Variants in GALNT13 observed in about 807,000 individuals in gnomAD.
The protein encoded by GALNT13 is polypeptide N-acetylgalactosaminyltransferase 13, also known as UDP-GalNAc:polypeptide N-acetylgalactosaminyltransferase 13.
Under a neutral mutation model 64.2 loss-of-function variants are expected in GALNT13, and 28 were observed. The ratio of observed to expected loss-of-function variants is 0.44; its 90% confidence interval spans 0.32 to 0.60. The LOEUF (loss-of-function observed/expected upper bound fraction) is 0.60, where lower values mean the gene tolerates loss of function less well. Among genes scored for constraint, GALNT13 ranks in the 20% least tolerant of loss-of-function variants. GALNT13 has a pLI of 0.05. For synonymous variants in GALNT13, 214 were observed against 224.6 expected (o/e 0.95, Z 0.42); for missense variants, 577 against 669.8 (o/e 0.86, Z 1.53).
At chr2:154,033,728 A>G (rs1698485964) in intron 3 of GALNT13, among the ~76,000 whole-genome samples, 2 of 152,130 alleles carry the variant, frequency 1.3e-5, no homozygotes, top group African/African-American at 4.8e-5. Flanking sequence ...TCATGAGGTC[A>G]GGAGTTGGAG....
At chr2:153,463,464 T>C in the GALNT13 span, among the ~76,000 whole-genome samples, 8 of 152,076 alleles carry the variant, frequency 5.3e-5, no homozygotes, top group African/African-American at 1.9e-4. Context: ...GTTGACTAAA[T>C]AGATGTATCT....
At chr2:154,136,303 TG>T (rs1682945649) in intron 3 of GALNT13, among the ~76,000 whole-genome samples, 3 of 152,222 alleles carry the variant, frequency 2.0e-5, no homozygotes, top group Non-Finnish European at 4.4e-5. Context: ...ATGTTATGCT[TG>T]TACCATTATT....
chr2:153,378,043 A>AT, the GALNT13 span, among the ~76,000 whole-genome samples: 2 of 152,196 alleles, frequency 1.3e-5, no homozygotes, highest in East Asian at 3.8e-4. Flanking sequence ...GACAAATGAA[A>AT]TTTGTATTAT....
intron 3 of GALNT13, among the ~76,000 whole-genome samples, chr2:154,079,225 A>C (rs1305694977): frequency 6.6e-6 from 1 of 151,654 alleles, no homozygotes. Context: ...TTTATTGATG[A>C]ATTTATAATT....
chr2:153,105,986 T>A, the GALNT13 span, among the ~76,000 whole-genome samples: 1 of 152,210 alleles, frequency 6.6e-6, no homozygotes, highest in Non-Finnish European at 1.5e-5. Context: ...TTGACATCCA[T>A]AGAGCTGTCA....
the GALNT13 span, among the ~76,000 whole-genome samples, chr2:153,257,138 C>A: frequency 4.3e-4 from 66 of 152,304 alleles, no homozygotes; most frequent in African/African-American, 1.4e-3. Flanking sequence ...AGCCAGGTGC[C>A]GGATATAATC....
chr2:153,651,650 A>G, the GALNT13 span, among the ~76,000 whole-genome samples: 13 of 152,172 alleles, frequency 8.5e-5, no homozygotes, highest in African/African-American at 2.9e-4. Flanking sequence ...ATTGAAGCTG[A>G]CCATAGGGCT....
chr2:153,328,048 A>T, the GALNT13 span, among the ~76,000 whole-genome samples: 1 of 151,588 alleles, frequency 6.6e-6, no homozygotes, highest in African/African-American at 2.4e-5. Flanking sequence ...TTTTTTTCTC[A>T]TAGTCAGGTC....
chr2:153,620,498 C>T, the GALNT13 span, among the ~76,000 whole-genome samples: 1 of 151,984 alleles, frequency 6.6e-6, no homozygotes, highest in East Asian at 2.0e-4. Context: ...AAATAGCCTG[C>T]ATTCAAGCTG....
the GALNT13 span, among the ~76,000 whole-genome samples, chr2:153,365,199 C>T: frequency 6.6e-6 from 1 of 152,132 alleles, no homozygotes; most frequent in African/African-American, 2.4e-5. Context: ...ATGCAGAAAA[C>T]TGAAACTGGA....
the GALNT13 span, among the ~76,000 whole-genome samples, chr2:153,813,652 C>T: frequency 6.6e-6 from 1 of 152,152 alleles, no homozygotes; most frequent in African/African-American, 2.4e-5. Flanking sequence ...TCTACAACTT[C>T]CCGCAAATGA....
At chr2:154,348,362 C>T (rs1696187885) in intron 9 of GALNT13, among the ~76,000 whole-genome samples, 1 of 151,652 alleles carries the variant, frequency 6.6e-6, no homozygotes, top group Non-Finnish European at 1.5e-5. Context: ...TTGTTATATA[C>T]TCACTTCCAT....
the GALNT13 span, among the ~76,000 whole-genome samples, chr2:153,209,266 C>T: frequency 6.6e-6 from 1 of 152,124 alleles, no homozygotes; most frequent in Non-Finnish European, 1.5e-5. Flanking sequence ...AGGCGTGAGC[C>T]ACCATGCCTG....
intron 12 of GALNT13, among the ~76,000 whole-genome samples, chr2:154,442,280 A>G (rs1259124182): frequency 2.6e-5 from 4 of 152,160 alleles, no homozygotes. Flanking sequence ...TATTCATAAT[A>G]TAATATCTAA....
chr2:153,118,103 G>A, the GALNT13 span, among the ~76,000 whole-genome samples: 3 of 41,134 alleles, frequency 7.3e-5, no homozygotes, highest in Non-Finnish European at 1.7e-4. Flanking sequence ...ATGTCACTAT[G>A]TACCAACACA....
the GALNT13 span, among the ~76,000 whole-genome samples, chr2:153,245,236 G>C: frequency 2.0e-5 from 3 of 152,354 alleles, no homozygotes; most frequent in African/African-American, 7.2e-5. Flanking sequence ...GCTCTGAAGA[G>C]AGCAGCTGAT....
At chr2:153,726,926 C>G in the GALNT13 span, among the ~76,000 whole-genome samples, 1 of 135,542 alleles carries the variant, frequency 7.4e-6, no homozygotes, top group African/African-American at 2.8e-5. Flanking sequence ...GACAACAGAG[C>G]GAGACTCCAT....
chr2:153,969,174 C>T (rs920203439), intron 3 of GALNT13, among the ~76,000 whole-genome samples: 1 of 151,968 alleles, frequency 6.6e-6, no homozygotes, highest in Non-Finnish European at 1.5e-5. Context: ...CAGATATGAT[C>T]TCACTTCCTC....
chr2:153,149,657 T>C, the GALNT13 span, among the ~76,000 whole-genome samples: 1 of 151,798 alleles, frequency 6.6e-6, no homozygotes, highest in Non-Finnish European at 1.5e-5. Context: ...CAAATAAACC[T>C]TTACTCTTTT....
Sources: gnomAD v4.1 joint callset for allele counts (sites outside exome capture counted in the v4.1 genomes callset) on GRCh38, gnomAD v4.1.1 for gene constraint, MANE v1.5 for transcripts, NCBI Gene and HGNC (gene_info 2026-07-23, HGNC 2026-07-21) for gene names.